PRR16: variants seen among roughly 807,000 people sequenced by gnomAD.
PRR16 encodes proline rich 16.
A neutral mutation model predicts 18.2 loss-of-function variants in PRR16; 6 were observed. The ratio of observed to expected loss-of-function variants is 0.33; its 90% CI spans 0.18 to 0.65. The LOEUF is 0.65. Ranked by LOEUF, PRR16 falls within the 30% of genes least tolerant of loss-of-function variation. The pLI, the probability that PRR16 is intolerant of heterozygous loss-of-function variation, is 0.74. For missense variants in PRR16, 412 were observed against 376.6 expected (o/e 1.09, Z -0.78); for synonymous variants, 151 against 147.8 (o/e 1.02, Z -0.16).
intron 1 of PRR16, among the ~76,000 whole-genome samples, chr5:120,681,191 G>A (rs1322365246): frequency 6.6e-6 from 1 of 151,888 alleles, no homozygotes; most frequent in Non-Finnish European, 1.5e-5. Context: ...TTTCATTTAC[G>A]ATGCTTTTCG....
chr5:120,587,217 C>G (rs1357830449), intron 1 of PRR16, among the ~76,000 whole-genome samples: 1 of 152,118 alleles, frequency 6.6e-6, no homozygotes, highest in African/African-American at 2.4e-5. Flanking sequence ...AGGAAATAAA[C>G]AATTTCTATA....
At chr5:120,758,162 C>T in the PRR16 span, among the ~76,000 whole-genome samples, 1 of 151,956 alleles carries the variant, frequency 6.6e-6, no homozygotes, top group Non-Finnish European at 1.5e-5. Flanking sequence ...TATTTGGAAT[C>T]AAATTTGATG....
chr5:120,652,209 A>T (rs1242306559), intron 1 of PRR16, among the ~76,000 whole-genome samples: 2 of 152,050 alleles, frequency 1.3e-5, no homozygotes, highest in Non-Finnish European at 2.9e-5. Context: ...TTCTATGGAA[A>T]AGAAATATTT....
At position 120,619,488 on chromosome 5, in the gene PRR16, G is replaced by A. The variant is rs554196431; in HGVS notation, c.160-66466G>A. On this transcript the variant is annotated intron_variant, in intron 1 of 1. Transcript: ENST00000407149. Reference sequence around the variant, plus strand: ...GAATCAACCATTTAATGTTACTATTGATTTCAATCACAGAGCTAGTTCTGG... The same window carrying A: ...GAATCAACCATTTAATGTTACTATTAATTTCAATCACAGAGCTAGTTCTGG... Among the ~76,000 whole-genome samples the A allele has an allele frequency of 2.6e-5, 4 of 152,130 alleles. No individual in the cohort carries two copies. The East Asian group carries it at 5.8e-4, about 22-fold the overall frequency.
At chr5:120,566,715 G>T (rs1179628068) in intron 1 of PRR16, among the ~76,000 whole-genome samples, 1 of 152,128 alleles carries the variant, frequency 6.6e-6, no homozygotes, top group African/African-American at 2.4e-5. Context: ...TTGTGAAAGG[G>T]CATGTACTTT....
At chr5:120,489,917 G>A (rs1005913390) in intron 1 of PRR16, among the ~76,000 whole-genome samples, 21 of 152,198 alleles carry the variant, frequency 1.4e-4, no homozygotes, top group African/African-American at 5.1e-4. Context: ...ATGAAACTTA[G>A]TTTGGCTGGA....
At chr5:120,487,918 G>T (rs1749872961) in intron 1 of PRR16, among the ~76,000 whole-genome samples, 1 of 152,084 alleles carries the variant, frequency 6.6e-6, no homozygotes, top group Non-Finnish European at 1.5e-5. Context: ...TGCGGTTTTT[G>T]TCTTTGTTTC....
At chr5:120,756,132 G>A in the PRR16 span, among the ~76,000 whole-genome samples, 1 of 152,142 alleles carries the variant, frequency 6.6e-6, no homozygotes, top group South Asian at 2.1e-4. Context: ...ATCAGAGAAT[G>A]AAGTGAAGTT....
At chr5:120,785,518 G>C in the PRR16 span, among the ~76,000 whole-genome samples, 1 of 149,320 alleles carries the variant, frequency 6.7e-6, no homozygotes, top group Non-Finnish European at 1.5e-5. Flanking sequence ...TTAATTATTT[G>C]ATTTACTTGT....
At chr5:120,666,150 G>A in intron 1 of PRR16, among the ~76,000 whole-genome samples, 1 of 152,154 alleles carries the variant, frequency 6.6e-6, no homozygotes. Context: ...GTGGTTTGTA[G>A]TTTTCCTTGA....
At chr5:120,677,544 C>T (rs1368771174) in intron 1 of PRR16, among the ~76,000 whole-genome samples, 1 of 152,118 alleles carries the variant, frequency 6.6e-6, no homozygotes, top group Non-Finnish European at 1.5e-5. Context: ...GATAATGCCA[C>T]CATATTTAAA....
the PRR16 span, among the ~76,000 whole-genome samples, chr5:120,700,391 A>G: frequency 1.5e-4 from 23 of 151,970 alleles, 1 homozygote; most frequent in African/African-American, 2.2e-4. Context: ...GGGGTGCATG[A>G]TCGGTCGCCA....
intron 1 of PRR16, among the ~76,000 whole-genome samples, chr5:120,650,061 T>C (rs1022144635): frequency 2.0e-5 from 3 of 151,628 alleles, no homozygotes; most frequent in Middle Eastern, 3.2e-3. Context: ...CTACAAAAAA[T>C]GCAAAAATTA....
intron 1 of PRR16, among the ~76,000 whole-genome samples, chr5:120,473,828 C>T (rs1184838143): frequency 6.6e-6 from 1 of 152,062 alleles, no homozygotes; most frequent in Admixed American, 6.6e-5. Context: ...GGTGATTTAT[C>T]TTATGAAGTA....
At chr5:120,528,040 T>C (rs542937583) in intron 1 of PRR16, among the ~76,000 whole-genome samples, 1 of 152,246 alleles carries the variant, frequency 6.6e-6, no homozygotes, top group African/African-American at 2.4e-5. Context: ...TAGGTAAAAG[T>C]TAGAATGGAG....
At chr5:120,706,869 G>A in the PRR16 span, among the ~76,000 whole-genome samples, 1 of 152,160 alleles carries the variant, frequency 6.6e-6, no homozygotes, top group African/African-American at 2.4e-5. Flanking sequence ...AAGGAGGTTG[G>A]TCAATGTGAT....
At chr5:120,611,452 T>C (rs1754330491) in intron 1 of PRR16, among the ~76,000 whole-genome samples, 1 of 151,976 alleles carries the variant, frequency 6.6e-6, no homozygotes, top group Non-Finnish European at 1.5e-5. Flanking sequence ...GAAAAAGTGG[T>C]TTTGTAGGCT....
intron 1 of PRR16, among the ~76,000 whole-genome samples, chr5:120,489,134 T>G (rs1216193556): frequency 6.6e-6 from 1 of 152,324 alleles, no homozygotes; most frequent in Non-Finnish European, 1.5e-5. Context: ...TTCTGTTGAT[T>G]TGGGGTGGAG....
chr5:120,493,428 T>C (rs1750133953), intron 1 of PRR16, among the ~76,000 whole-genome samples: 1 of 152,178 alleles, frequency 6.6e-6, no homozygotes, highest in African/African-American at 2.4e-5. Context: ...TTGACCAGTC[T>C]TTAATAAGTT....
Sources: allele counts gnomAD v4.1 joint callset (sites outside exome capture counted in the v4.1 genomes callset), GRCh38; gene constraint gnomAD v4.1.1; transcripts MANE v1.5; gene names NCBI Gene and HGNC (gene_info 2026-07-23, HGNC 2026-07-21).